PRDM15: variants seen among roughly 807,000 people sequenced by gnomAD.
PRDM15 encodes PR domain zinc finger protein 15.
Under a neutral mutation model 128.6 loss-of-function variants are expected in PRDM15, and 64 were observed. The observed-to-expected ratio is 0.50, with a 90% CI of 0.41 to 0.61. PRDM15 has a LOEUF of 0.61. Among genes scored for constraint, PRDM15 ranks in the 20% least tolerant of loss-of-function variants. The pLI is 0.00. For missense variants in PRDM15, 1,242 were observed against 1,569.1 expected (o/e 0.79, Z 3.52); for synonymous variants, 615 against 621.8 (o/e 0.99, Z 0.16).
At chr21:41,834,555 G>C (rs2062806107) in intron 11 of PRDM15, 1 of 1,549,592 alleles carries the variant, frequency 6.5e-7, no homozygotes, top group African/African-American at 1.4e-5. Flanking sequence ...TCCAGGGTGT[G>C]CTATGAGTCC....
At chr21:41,803,789 G>A (rs897211910) in intron 22 of PRDM15, among the ~76,000 whole-genome samples, 7 of 152,074 alleles carry the variant, frequency 4.6e-5, no homozygotes, top group Non-Finnish European at 1.0e-4. Context: ...GTTTCAGAAC[G>A]AGAGGCATAC....
chr21:41,830,317 T>A (rs1470508021), intron 11 of PRDM15, among the ~76,000 whole-genome samples: 2 of 137,860 alleles, frequency 1.5e-5, no homozygotes, highest in Non-Finnish European at 3.1e-5. Context: ...CAACACATAC[T>A]CAACACATAC....
At chr21:41,831,971 T>C (rs2062708974) in intron 11 of PRDM15, among the ~76,000 whole-genome samples, 3 of 152,192 alleles carry the variant, frequency 2.0e-5, no homozygotes, top group African/African-American at 7.2e-5. Flanking sequence ...ACATTATCCA[T>C]ACAGCCACTG....
intron 1 of PRDM15, chr21:41,878,982 C>G (rs1015964727): frequency 1.0e-6 from 1 of 998,256 alleles, no homozygotes; most frequent in Non-Finnish European, 1.2e-6. Flanking sequence ...CAGGAGCGCC[C>G]GCGGCGGCGG....
chr21:41,870,744 C>T lies in PRDM15; in HGVS notation c.-10+8526G>A, dbSNP rs148210893. ...ATTTGGGCAAAGAGCACCTTTTGCACACGCTGATGAACGTGCTCAAGAAGG... is the reference window on the plus strand; with the variant it reads ...ATTTGGGCAAAGAGCACCTTTTGCATACGCTGATGAACGTGCTCAAGAAGG... On this transcript the variant is annotated intron_variant, in intron 1 of 23. Transcript: ENST00000398548. 2.4e-4 allele frequency: 36 copies of T among 152,356 alleles called. 1 individual carries two copies. The highest frequency in any genetic ancestry group is 7.7e-4 in the African/African-American group (32 of 41,572). The allele number at this position is 152,356 out of a possible 1,614,324, so 9.4% of individuals were successfully genotyped here. A position where few individuals can be genotyped will look rare whatever the true frequency, so the allele number is the denominator to read the frequency against.
intron 1 of PRDM15, among the ~76,000 whole-genome samples, chr21:41,872,551 T>C (rs1179844493): frequency 6.6e-6 from 1 of 152,244 alleles, no homozygotes; most frequent in Non-Finnish European, 1.5e-5. Context: ...TTTTGACACA[T>C]AATCAGTTGT....
chr21:41,865,213 A>G (rs1261337218), intron 1 of PRDM15, among the ~76,000 whole-genome samples: 1 of 149,270 alleles, frequency 6.7e-6, no homozygotes, highest in Non-Finnish European at 1.5e-5. Context: ...ATGCCTGCTC[A>G]CTCCTCAGTC....
chr21:41,828,061 CA>C lies in PRDM15; in HGVS notation c.1534+104del. The C allele has an allele frequency of 8.5e-7, 1 of 1,175,956 alleles. No homozygotes were observed. The highest frequency in any genetic ancestry group is 1.5e-5 in the African/African-American group (1 of 66,490). 72.8% of individuals were successfully genotyped at this position (1,175,956 alleles called of 1,614,324 possible). A position where few individuals can be genotyped will look rare whatever the true frequency, so the allele number is the denominator to read the frequency against. ...CGTTTCCAGGCAAAGGAGCAGGCGG[CA>C]CCGAACTGCTCCCCAAAGGCCCTGC... is the stretch of plus-strand genomic sequence containing the variant. On this transcript the variant is annotated intron_variant, in intron 12 of 23. Coordinates refer to ENST00000398548, the MANE Select transcript of PRDM15 (RefSeq NM_001040424.3). The surrounding 1 kb of genome is among the most constrained non-coding windows in gnomAD (Gnocchi z 5.7).
At chr21:41,820,576 A>C (rs368366133) in intron 16 of PRDM15, among the ~76,000 whole-genome samples, 1 of 152,182 alleles carries the variant, frequency 6.6e-6, no homozygotes, top group South Asian at 2.1e-4. Flanking sequence ...GTGTCAGAGG[A>C]GGCGGCCCTG....
rs762781099 is a variant in PRDM15, at chr21:41,802,787, T to C, written c.2868A>G (p.Glu956=). 2.5e-6 allele frequency: 4 copies of C among 1,614,112 alleles called. No individual in the cohort carries two copies. The African/African-American group carries it at 5.3e-5, about 22-fold the overall frequency. The part of the protein sequence containing the change: ...APVPEDATFS[E]YSEKETEFTG... ...TGAACTCCGTCTCTTTCTCTGAGTA[T>C]TCGCTGAAGGTGGCGTCCTCGGGCA... The change falls in exon 23 of 24, where the codon GAA becomes GAG. Residue 956 remains glutamate, a synonymous_variant. Coordinates refer to ENST00000398548, the MANE Select transcript of PRDM15 (RefSeq NM_001040424.3).
At chr21:41,870,443 C>T (rs996013704) in intron 1 of PRDM15, among the ~76,000 whole-genome samples, 1 of 151,970 alleles carries the variant, frequency 6.6e-6, no homozygotes, top group African/African-American at 2.4e-5. Context: ...CACACGGCCT[C>T]GTGACAATAT....
At chr21:41,863,848 T>A (rs1017730954) in intron 1 of PRDM15, among the ~76,000 whole-genome samples, 3 of 137,160 alleles carry the variant, frequency 2.2e-5, no homozygotes, top group African/African-American at 5.9e-5. Context: ...GCCCAAAGCA[T>A]TTTTTTTTTT....
At position 41,838,028 on chromosome 21, in the gene PRDM15, C is replaced by G. The variant is rs1178155210; in HGVS notation, c.907G>C (p.Asp303His). 6.2e-7 allele frequency: 1 copy of G among 1,614,192 alleles called. No individual in the cohort carries two copies. Among genetic ancestry groups the G allele is most frequent in the Non-Finnish European group, 8.5e-7 (1 of 1,180,020 alleles). ...VAEIITEVPPDEPVSATPDER... is the reference protein window; with the variant it reads ...VAEIITEVPPHEPVSATPDER... ...TCTGGCGTTGCACTCACAGGCTCATCCGGAGGGACCTCGGTAATGATCTCT... is the reference window on the plus strand; with the variant it reads ...TCTGGCGTTGCACTCACAGGCTCATGCGGAGGGACCTCGGTAATGATCTCT... Residue 303 changes from aspartate to histidine, a missense_variant, in exon 8 of 24, where the codon GAT (aspartate) becomes CAT (histidine). Coordinates refer to ENST00000398548, the MANE Select transcript of PRDM15 (RefSeq NM_001040424.3).
At chr21:41,878,891 G>GGCAGCCCC in intron 1 of PRDM15, 4 of 956,926 alleles carry the variant, frequency 4.2e-6, no homozygotes, top group Non-Finnish European at 4.9e-6. Context: ...AGCGCGGCCC[G>GGCAGCCCC]GCAGCCCCGC....
chr21:41,822,203 TTGTCCCCAGA>T (rs528237151), intron 14 of PRDM15, among the ~76,000 whole-genome samples, 166 bp from the exon 15 acceptor site: 44 of 152,366 alleles, frequency 2.9e-4, no homozygotes, highest in Admixed American at 1.8e-3. Flanking sequence ...CCATCCCAGC[TTGTCCCCAGA>T]GGTCCCCACC....
At chr21:41,818,050 C>T (rs1279991621) in intron 18 of PRDM15, among the ~76,000 whole-genome samples, 3 of 152,224 alleles carry the variant, frequency 2.0e-5, no homozygotes, top group Non-Finnish European at 2.9e-5. Context: ...CTAAGAGGCC[C>T]GGCCCTGAAT....
At chr21:41,809,688 T>C (rs2146264050) in intron 21 of PRDM15, among the ~76,000 whole-genome samples, 1 of 152,318 alleles carries the variant, frequency 6.6e-6, no homozygotes, top group South Asian at 2.1e-4. Context: ...TTCAGGGTGC[T>C]CCTTCTTAAA....
At chr21:41,849,813 T>C (rs967105917) in intron 5 of PRDM15, among the ~76,000 whole-genome samples, 12 of 152,062 alleles carry the variant, frequency 7.9e-5, no homozygotes, top group Non-Finnish European at 1.6e-4. Context: ...GGTACATGCC[T>C]GTAATCCCAG....
At chr21:41,839,590 C>T (rs372230366) in intron 7 of PRDM15, 33 bp downstream of exon 7, 30 of 1,592,262 alleles carry the variant, frequency 1.9e-5, no homozygotes, top group African/African-American at 8.1e-5. Flanking sequence ...CTGCGCCCCA[C>T]GCAGGCACTC....
Sources: gnomAD v4.1 joint callset for allele counts (sites outside exome capture counted in the v4.1 genomes callset) on GRCh38, gnomAD v4.1.1 for gene constraint, Gnocchi (gnomAD v3.1) non-coding constraint, MANE v1.5 for transcripts, NCBI Gene and HGNC (gene_info 2026-07-23, HGNC 2026-07-21) for gene names.